SULT1A1: variants seen among roughly 807,000 people sequenced by gnomAD.
The protein encoded by SULT1A1 is sulfotransferase 1A1.
Under a neutral mutation model 36.8 loss-of-function variants are expected in SULT1A1, and 35 were observed. The observed-to-expected ratio is 0.95, with a 90% CI of 0.73 to 1.26. The LOEUF (loss-of-function observed/expected upper bound fraction) is 1.26, where lower values mean the gene tolerates loss of function less well. SULT1A1 is among the 50% of genes most tolerant of loss of function. SULT1A1 has a pLI of 0.00. For missense variants in SULT1A1, 309 were observed against 383.0 expected (o/e 0.81, Z 1.61); for synonymous variants, 119 against 146.0 (o/e 0.82, Z 1.33).
At chr16:28,616,957 T>C (rs565150375) in intron 2 of SULT1A1, among the ~76,000 whole-genome samples, 1 of 152,300 alleles carries the variant, frequency 6.6e-6, no homozygotes, top group East Asian at 1.9e-4. Flanking sequence ...TACTCAGCTC[T>C]TCTGCCCCTG....
intron 2 of SULT1A1, among the ~76,000 whole-genome samples, chr16:28,618,335 C>T (rs1157174435): frequency 7.8e-6 from 1 of 127,882 alleles, no homozygotes; most frequent in African/African-American, 2.7e-5. Flanking sequence ...GGCTACTTCC[C>T]GCTCTTTTTT....
chr16:28,616,213 GTTA>G (rs1344233084), intron 2 of SULT1A1, among the ~76,000 whole-genome samples: 1 of 152,146 alleles, frequency 6.6e-6, no homozygotes, highest in African/African-American at 2.4e-5. Context: ...TTGAGCGAGG[GTTA>G]TTATAATATT....
upstream of SULT1A1, chr16:28,614,101 A>C: frequency 5.3e-6 from 1 of 189,824 alleles, no homozygotes; most frequent in Middle Eastern, 2.0e-3. Flanking sequence ...AAATGAAGTC[A>C]CGCCCCCTGC....
chr16:28,620,093 GT>G lies in SULT1A1; in HGVS notation c.107del (p.Asp36AlafsTer2), dbSNP rs1474862655. On this transcript the variant is annotated frameshift_variant, in exon 2 of 6. Coordinates refer to the SULT1A1 transcript ENST00000350842. LOFTEE classifies it high-confidence loss of function. The stretch of plus-strand genomic sequence containing the variant: ...AGGTGTTCCAGAATTTCTGTTTCAG[GT>G]CCAAAAATATGTCATCCTTTCCCTG... 2.5e-6 allele frequency: 4 copies of G among 1,612,926 alleles called. No homozygotes were observed. Among genetic ancestry groups the G allele is most frequent in the Non-Finnish European group, 3.4e-6 (4 of 1,179,528 alleles).
At chr16:28,610,335 G>C (rs1482451833), upstream of SULT1A1, 2 of 697,610 alleles carry the variant, frequency 2.9e-6, no homozygotes, top group Non-Finnish European at 1.9e-6. Context: ...ACTCCACCCT[G>C]CCAGGCAGCC....
At position 28,605,514 on chromosome 16, in the gene SULT1A1, C is replaced by A. The variant is rs1295368530; in HGVS notation, c.*307G>T. On this transcript the variant is annotated 3_prime_UTR_variant, in exon 8 of 8. Transcript: ENST00000314752. ...CCCAAACTCCTGTCCTCCAGTGATCCTCTAGCCTCAACTTCTCAAATTGCT... is the reference window on the plus strand; with the variant it reads ...CCCAAACTCCTGTCCTCCAGTGATCATCTAGCCTCAACTTCTCAAATTGCT... The A allele has an allele frequency of 4.1e-6, 2 of 486,508 alleles. No individual in the cohort carries two copies. The highest frequency in any genetic ancestry group is 7.4e-6 in the Non-Finnish European group (2 of 269,878). The allele number at this position is 486,508 out of a possible 1,614,324, so 30.1% of individuals were successfully genotyped here. A position where few individuals can be genotyped will look rare whatever the true frequency, so the allele number is the denominator to read the frequency against.
At chr16:28,610,264 G>GCTTT (rs2047398505), upstream of SULT1A1, 1 of 314,074 alleles carries the variant, frequency 3.2e-6, no homozygotes, top group Non-Finnish European at 4.8e-6. Flanking sequence ...TTTTTTTTCT[G>GCTTT]TTTTTTTTTT....
At position 28,616,512 on chromosome 16, in the gene SULT1A1, T is replaced by C. The variant is rs1458345858; in HGVS notation, c.138+3551A>G. 2.0e-5 allele frequency among the ~76,000 whole-genome samples: 3 copies of C among 152,246 alleles called. No homozygotes were observed. The East Asian group carries it at 5.8e-4, about 29-fold the overall frequency. On this transcript the variant is annotated intron_variant, in intron 2 of 5. Transcript: ENST00000350842. ...CATTTTGGTCTGGCTGGTCTCGAAC[T>C]CCTGACCTCAAGTGATCTGCTCACC...
intron 1 of SULT1A1, among the ~76,000 whole-genome samples, chr16:28,621,266 G>A (rs2047648019): frequency 6.6e-6 from 1 of 151,934 alleles, no homozygotes; most frequent in Non-Finnish European, 1.5e-5. Context: ...CAGATTACTT[G>A]AGTTCAGGAG....
At chr16:28,609,729 G>C (rs1456138667) in intron 1 of SULT1A1, 20 of 562,974 alleles carry the variant, frequency 3.6e-5, no homozygotes, top group Middle Eastern at 6.6e-4. Flanking sequence ...ACTCCAGCCT[G>C]GGTGACAGCA....
intron 4 of SULT1A1, chr16:28,607,314 C>G (rs1249104100): frequency 2.7e-6 from 2 of 728,742 alleles, no homozygotes; most frequent in Non-Finnish European, 4.2e-6. Context: ...CGTCACACCC[C>G]AATCTGGAGC....
chr16:28,608,094 T>C lies in SULT1A1; in HGVS notation c.372+197A>G. On this transcript the variant is annotated intron_variant, in intron 4 of 7. Coordinates refer to ENST00000314752, the MANE Select transcript of SULT1A1 (RefSeq NM_001055.4). ...CCTCCTTCTCCCGGGTTCAAGTGAT[T>C]CTCCTGTCTCAGGCTTCGGAGTAGC... 2.6e-6 allele frequency: 2 copies of C among 760,294 alleles called. 1 individual carries two copies. Among genetic ancestry groups the C allele is most frequent in the Non-Finnish European group, 4.1e-6 (2 of 484,462 alleles). The allele number at this position is 760,294 out of a possible 1,614,324, so 47.1% of individuals were successfully genotyped here.
chr16:28,608,676 C>A (rs1308113678), intron 2 of SULT1A1, 32 bp downstream of exon 2: 11 of 1,611,680 alleles, frequency 6.8e-6, no homozygotes, highest in Non-Finnish European at 9.3e-6. Flanking sequence ...GGACTGCCAC[C>A]TGGGAGAGGG....
Position 28,610,012 on chromosome 16 carries a change from TTC to T in SULT1A1, c.-88_-87del, listed in dbSNP as rs1312316730. The T allele has an allele frequency of 7.8e-7, 1 of 1,287,252 alleles. No homozygotes were observed. Among genetic ancestry groups the T allele is most frequent in the East Asian group, 5.5e-5 (1 of 18,120 alleles). 79.7% of individuals were successfully genotyped at this position (1,287,252 alleles called of 1,614,324 possible). On this transcript the variant is annotated 5_prime_UTR_variant, in exon 1 of 8. Coordinates refer to ENST00000314752, the MANE Select transcript of SULT1A1 (RefSeq NM_001055.4). ...GTGTTGTGTGGGGAATGCAGGGTTG[TTC>T]TCTGAGCTGAGGGTTTCCTAGGTCC...
chr16:28,623,296 G>A (rs1479358013), exon 1 of SULT1A1: 2 of 1,537,468 alleles, frequency 1.3e-6, no homozygotes, highest in Admixed American at 2.0e-5. Flanking sequence ...GCCACGCGCC[G>A]CGTCTGGCGC....
chr16:28,610,264 G>GTTTTTT (rs538720119), upstream of SULT1A1: 1,766 of 348,984 alleles, frequency 5.1e-3, 3 homozygotes, highest in Middle Eastern at 9.3e-3. Context: ...TTTTTTTTCT[G>GTTTTTT]TTTTTTTTTT....
At chr16:28,610,988 G>T (rs575017223), upstream of SULT1A1, 1 of 152,648 alleles carries the variant, frequency 6.6e-6, no homozygotes, top group South Asian at 2.1e-4. Context: ...CTGAGGCATG[G>T]GAATTCCAGG....
At chr16:28,610,263 TG>T (rs2047398434), upstream of SULT1A1, 110 of 820,344 alleles carry the variant, frequency 1.3e-4, no homozygotes, top group East Asian at 2.1e-4. Context: ...TTTTTTTTTC[TG>T]TTTTTTTTTT....
chr16:28,608,467 C>G lies in SULT1A1; in HGVS notation c.274+11G>C, dbSNP rs1483084617. ...CTCCACTCCCCTTGCACCCAGGACA[C>G]ACTCACACACCTGAGGGAATCCCTG... On this transcript the variant is annotated intron_variant, in intron 3 of 7. Coordinates refer to ENST00000314752, the MANE Select transcript of SULT1A1 (RefSeq NM_001055.4). 1.9e-6 allele frequency: 3 copies of G among 1,612,482 alleles called. No homozygotes were observed.
Sources: allele counts gnomAD v4.1 joint callset (sites outside exome capture counted in the v4.1 genomes callset), GRCh38; gene constraint gnomAD v4.1.1; transcripts MANE v1.5; gene names NCBI Gene and HGNC (gene_info 2026-07-23, HGNC 2026-07-21).